Variants in DNER observed in about 807,000 individuals in gnomAD.
DNER encodes the protein delta/notch like EGF repeat containing.
A neutral mutation model predicts 78.2 loss-of-function variants in DNER; 33 were observed. The observed-to-expected ratio is 0.42, with a 90% CI of 0.32 to 0.56. DNER has a LOEUF of 0.56. DNER is among the 20% of genes least tolerant of loss of function. DNER has a pLI of 0.11. For synonymous variants in DNER, 417 were observed against 384.8 expected (o/e 1.08, Z -0.98); for missense variants, 918 against 975.3 (o/e 0.94, Z 0.78).
chr2:229,671,473 TCTCA>T (rs1699207562), intron 1 of DNER, among the ~76,000 whole-genome samples: 1 of 152,226 alleles, frequency 6.6e-6, no homozygotes, highest in African/African-American at 2.4e-5. Flanking sequence ...GCACAGCACT[TCTCA>T]CTACCTGCTA....
At chr2:229,608,100 G>A (rs926909600) in intron 1 of DNER, among the ~76,000 whole-genome samples, 4 of 150,538 alleles carry the variant, frequency 2.7e-5, no homozygotes, top group African/African-American at 9.8e-5. Flanking sequence ...GCTAATTGCT[G>A]ACCCCTGGGA....
intron 4 of DNER, among the ~76,000 whole-genome samples, chr2:229,562,066 C>T (rs936447971): frequency 6.6e-6 from 1 of 152,124 alleles, no homozygotes; most frequent in African/African-American, 2.4e-5. Context: ...GACCAACTAC[C>T]TCTTGATGGT....
intron 10 of DNER, among the ~76,000 whole-genome samples, chr2:229,403,592 AG>A (rs1276355421): frequency 1.3e-5 from 2 of 152,192 alleles, no homozygotes; most frequent in African/African-American, 4.8e-5. Flanking sequence ...AAAAACTATC[AG>A]GGCTGAATAG....
At position 229,367,006 on chromosome 2, in the gene DNER, G is replaced by A; in HGVS notation, c.1969C>T (p.Leu657=). The A allele has an allele frequency of 6.2e-7, 1 of 1,614,098 alleles. No individual in the cohort carries two copies. Among genetic ancestry groups the A allele is most frequent in the South Asian group, 1.1e-5 (1 of 91,072 alleles). ...CTGATGCGGCAAATCCCCACGATCAGGATGATCAGCATAAGGATGAAGGCC... is the reference window on the plus strand; with the variant it reads ...CTGATGCGGCAAATCCCCACGATCAAGATGATCAGCATAAGGATGAAGGCC... ...CVAFILMLII[L]IVGICRISRI... is the part of the protein sequence containing the mutation. The change falls in exon 12 of 13, where the codon CTG becomes TTG. Residue 657 remains leucine (L), a synonymous_variant. Coordinates refer to ENST00000341772, the MANE Select transcript of DNER (RefSeq NM_139072.4).
intron 1 of DNER, among the ~76,000 whole-genome samples, chr2:229,601,125 G>A (rs919982791): frequency 3.3e-5 from 5 of 152,142 alleles, no homozygotes; most frequent in African/African-American, 4.8e-5. Context: ...CATTCTAAAG[G>A]CGTTTAAGTT....
At chr2:229,562,048 C>A (rs565374636) in intron 4 of DNER, among the ~76,000 whole-genome samples, 1 of 152,290 alleles carries the variant, frequency 6.6e-6, no homozygotes, top group African/African-American at 2.4e-5. Context: ...TGTACTCTAT[C>A]GGTCCTAGAC....
At chr2:229,479,903 G>T (rs1695119997) in intron 6 of DNER, among the ~76,000 whole-genome samples, 1 of 152,074 alleles carries the variant, frequency 6.6e-6, no homozygotes, top group Non-Finnish European at 1.5e-5. Flanking sequence ...ATTACAAGTG[G>T]TAGCTTCTTA....
At chr2:229,664,276 T>C (rs1699054793) in intron 1 of DNER, among the ~76,000 whole-genome samples, 2 of 152,126 alleles carry the variant, frequency 1.3e-5, no homozygotes, top group African/African-American at 4.8e-5. Flanking sequence ...ATCACTAAAA[T>C]AAAGACAGTT....
intron 1 of DNER, among the ~76,000 whole-genome samples, chr2:229,705,440 T>G (rs547331359): frequency 6.6e-6 from 1 of 152,340 alleles, no homozygotes; most frequent in East Asian, 1.9e-4. Context: ...TTCTTTTCTC[T>G]TTAAGAAAGA....
chr2:229,528,677 C>T (rs146523408), intron 5 of DNER, among the ~76,000 whole-genome samples: 39 of 152,180 alleles, frequency 2.6e-4, no homozygotes, highest in Non-Finnish European at 2.4e-4. Flanking sequence ...TCACCTGGAC[C>T]GAGGACAGGA....
chr2:229,474,198 A>C (rs1694985584), intron 7 of DNER, among the ~76,000 whole-genome samples: 1 of 151,690 alleles, frequency 6.6e-6, no homozygotes, highest in Non-Finnish European at 1.5e-5. Context: ...AAGCCACCAC[A>C]CCTGGTGACA....
intron 1 of DNER, among the ~76,000 whole-genome samples, chr2:229,624,005 G>A (rs187157883): frequency 6.6e-6 from 1 of 152,308 alleles, no homozygotes; most frequent in Admixed American, 6.5e-5. Flanking sequence ...CAGAGGTCCT[G>A]GGTTGGAATG....
chr2:229,368,854 TA>T (rs1423799204), intron 11 of DNER, among the ~76,000 whole-genome samples: 2 of 152,238 alleles, frequency 1.3e-5, no homozygotes, highest in Non-Finnish European at 2.9e-5. Flanking sequence ...CAGTGATCTC[TA>T]AAAGACAGGA....
At chr2:229,678,614 A>G (rs967201031) in intron 1 of DNER, among the ~76,000 whole-genome samples, 4 of 152,210 alleles carry the variant, frequency 2.6e-5, no homozygotes. Flanking sequence ...AAGCTAGACC[A>G]GTATTTTTCC....
chr2:229,579,044 A>T (rs1427654864), intron 4 of DNER, among the ~76,000 whole-genome samples: 1 of 152,188 alleles, frequency 6.6e-6, no homozygotes. Flanking sequence ...TTGTTGAAAT[A>T]TCTCTATTTC....
At chr2:229,701,805 C>G (rs185843975) in intron 1 of DNER, 1 of 154,264 alleles carries the variant, frequency 6.5e-6, no homozygotes, top group South Asian at 2.0e-4. Context: ...TGGCCAGCTA[C>G]GAGGAAGTGA....
chr2:229,435,262 C>T (rs778161297), intron 8 of DNER, among the ~76,000 whole-genome samples: 5 of 152,172 alleles, frequency 3.3e-5, no homozygotes, highest in African/African-American at 4.8e-5. Context: ...GCCCCCATCA[C>T]TCCAGCTAAC....
At chr2:229,405,502 A>G (rs1388675988) in intron 10 of DNER, among the ~76,000 whole-genome samples, 1 of 152,206 alleles carries the variant, frequency 6.6e-6, no homozygotes, top group Non-Finnish European at 1.5e-5. Flanking sequence ...ACTGCCCAAA[A>G]GTTGAATTGT....
At chr2:229,658,549 C>T (rs897717874) in intron 1 of DNER, among the ~76,000 whole-genome samples, 1 of 152,210 alleles carries the variant, frequency 6.6e-6, no homozygotes, top group Non-Finnish European at 1.5e-5. Context: ...ATTCCTTCAA[C>T]ATGAATTCAT....
Sources: gnomAD v4.1 joint callset for allele counts (sites outside exome capture counted in the v4.1 genomes callset) on GRCh38, gnomAD v4.1.1 for gene constraint, MANE v1.5 for transcripts, NCBI Gene and HGNC (gene_info 2026-07-23, HGNC 2026-07-21) for gene names.